ZZEF1: variants seen among roughly 807,000 people sequenced by gnomAD.
ZZEF1 encodes the protein zinc finger ZZ-type and EF-hand domain-containing protein 1.
In ZZEF1, 157 loss-of-function variants were observed where a neutral mutation model predicts 342.8. The observed-to-expected ratio is 0.46, with a 90% CI of 0.40 to 0.52. The LOEUF (loss-of-function observed/expected upper bound fraction) is 0.52, where lower values mean the gene tolerates loss of function less well. Among genes scored for constraint, ZZEF1 ranks in the 20% least tolerant of loss-of-function variants. The probability of loss-of-function intolerance (pLI) is 0.00; values close to 1 mark genes in which losing one functional copy is unlikely to be tolerated. For synonymous variants in ZZEF1, 1,505 were observed against 1,429.1 expected (o/e 1.05, Z -1.20); for missense variants, 3,480 against 3,725.6 (o/e 0.93, Z 1.72).
At position 4,009,684 on chromosome 17, in the gene ZZEF1, C is replaced by T. The variant is rs2055895107; in HGVS notation, c.8653G>A (p.Asp2885Asn). Residue 2885 changes from aspartate (D) to asparagine (N), a missense_variant, in exon 53 of 55, where the codon GAC becomes AAC. Physicochemically the swap from Asp to Asn is conservative, Grantham distance 23. This residue lies in a region of ZZEF1 where 1,269 missense variants were observed against 1,342.4 expected (regional missense o/e 0.95). Transcript: ENST00000381638. ...AGGAGGATGCCGGGCTGCGTCACGT[C>T]CTCAAACAGGCCGTACTCCATGTGG... is the stretch of plus-strand genomic sequence containing the variant. ...FTHMEYGLFE[D>N]VTQPGILLPL... is the part of the protein sequence containing the mutation. The T allele has an allele frequency of 6.2e-7, 1 of 1,614,104 alleles. No individual in the cohort carries two copies. Among genetic ancestry groups the T allele is most frequent in the Non-Finnish European group, 8.5e-7 (1 of 1,180,036 alleles).
intron 19 of ZZEF1, among the ~76,000 whole-genome samples, chr17:4,077,358 A>C (rs936395335): frequency 1.3e-5 from 2 of 152,156 alleles, no homozygotes; most frequent in Non-Finnish European, 2.9e-5. Context: ...AGGACCCAAT[A>C]TAAGTGTTTT....
intron 1 of ZZEF1, among the ~76,000 whole-genome samples, chr17:4,134,564 A>C (rs1275598737): frequency 6.6e-6 from 1 of 151,994 alleles, no homozygotes; most frequent in African/African-American, 2.4e-5. Context: ...ACAACAGCCA[A>C]TGTTAGTGAG....
chr17:4,120,717 G>A (rs1283996868), intron 2 of ZZEF1, among the ~76,000 whole-genome samples: 1 of 152,218 alleles, frequency 6.6e-6, no homozygotes. Flanking sequence ...AAGGTAGGTG[G>A]AATGCCCGAG....
intron 2 of ZZEF1, among the ~76,000 whole-genome samples, chr17:4,118,398 G>C (rs4790562): frequency 0.51 from 77,262 of 151,968 alleles, 22,042 homozygotes; most frequent in East Asian, 0.74. Context: ...AAAGATAGTA[G>C]GGCCTTGCTC....
At chr17:4,011,311 G>A (rs886705342) in intron 52 of ZZEF1, among the ~76,000 whole-genome samples, 2 of 152,120 alleles carry the variant, frequency 1.3e-5, no homozygotes, top group African/African-American at 4.8e-5. Flanking sequence ...GCTGAGGGGA[G>A]GGGGGTCACT....
rs111667484 is a variant in ZZEF1 at position 4,111,621 on chromosome 17, T to C, written c.1066+988A>G. The stretch of plus-strand genomic sequence containing the variant: ...TTGCAGTGAGCTGAGACTGCACCAC[T>C]GCACTCCAGCCCAGGCGACAATGCG... On this transcript the variant is annotated intron_variant, in intron 5 of 54. Coordinates refer to ENST00000381638, the MANE Select transcript of ZZEF1 (RefSeq NM_015113.4). Among the ~76,000 whole-genome samples, 255 of 140,510 alleles carry C rather than the reference T, an allele frequency of 1.8e-3. 5 individuals carry two copies. The highest frequency in any genetic ancestry group is 6.6e-3 in the African/African-American group (244 of 36,750). The allele number at this position is 140,510 out of a possible 152,430, so 92.2% of individuals were successfully genotyped here. A position where few individuals can be genotyped will look rare whatever the true frequency, so the allele number is the denominator to read the frequency against.
intron 39 of ZZEF1, among the ~76,000 whole-genome samples, chr17:4,038,808 A>AAAAC (rs148859871): frequency 0.04 from 6,063 of 151,252 alleles, 219 homozygotes; most frequent in African/African-American, 0.098. Flanking sequence ...TCTGTCTCAA[A>AAAAC]AAACAAACAA....
chr17:4,114,494 T>G, intron 3 of ZZEF1, 24 bp from the exon 4 acceptor site: 1 of 1,453,374 alleles, frequency 6.9e-7, no homozygotes, highest in Non-Finnish European at 9.1e-7. Context: ...CAGAGTTGAT[T>G]ATATGACATC....
At chr17:4,074,439 C>G (rs2057569559) in intron 23 of ZZEF1, 88 bp from the exon 24 acceptor site, 2 of 1,368,076 alleles carry the variant, frequency 1.5e-6, no homozygotes, top group Non-Finnish European at 1.0e-6. Context: ...AGAAACATCT[C>G]AGTTTAAAAT....
Position 4,006,551 on chromosome 17 carries a change from A to C in ZZEF1, c.*339T>G, listed in dbSNP as rs1597740362. 5 of 342,758 alleles carry C rather than the reference A, an allele frequency of 1.5e-5. 1 individual carries two copies. Among genetic ancestry groups the C allele is most frequent in the South Asian group, 1.0e-4 (4 of 38,406 alleles). The allele number at this position is 342,758 out of a possible 1,614,324, so 21.2% of individuals were successfully genotyped here. A position where few individuals can be genotyped will look rare whatever the true frequency, so the allele number is the denominator to read the frequency against. Reference sequence around the variant, plus strand: ...TTCCAGCTCCACGGAGACAGAAACCAGTTGAGAGAGGCCGCTTCCAAGTCT... The same window carrying C: ...TTCCAGCTCCACGGAGACAGAAACCCGTTGAGAGAGGCCGCTTCCAAGTCT... On this transcript the variant is annotated 3_prime_UTR_variant, in exon 55 of 55. Coordinates refer to ENST00000381638, the MANE Select transcript of ZZEF1 (RefSeq NM_015113.4).
intron 52 of ZZEF1, among the ~76,000 whole-genome samples, chr17:4,011,619 G>A (rs1305869564): frequency 6.6e-6 from 1 of 151,784 alleles, no homozygotes; most frequent in Non-Finnish European, 1.5e-5. Context: ...ATCCTTTGGA[G>A]AAGAAAAATT....
intron 16 of ZZEF1, among the ~76,000 whole-genome samples, chr17:4,082,962 G>C (rs2057752181): frequency 6.6e-6 from 1 of 152,106 alleles, no homozygotes; most frequent in Admixed American, 6.5e-5. Flanking sequence ...TTTTAGTAGA[G>C]ACGGGGTTTC....
chr17:4,110,512 C>T (rs1016191451), intron 5 of ZZEF1, among the ~76,000 whole-genome samples: 1 of 152,154 alleles, frequency 6.6e-6, no homozygotes, highest in Non-Finnish European at 1.5e-5. Context: ...GCAAAGAACA[C>T]TTCTTTTGGC....
chr17:4,110,976 G>A (rs747744297), intron 5 of ZZEF1, among the ~76,000 whole-genome samples: 6 of 152,204 alleles, frequency 3.9e-5, no homozygotes, highest in Non-Finnish European at 8.8e-5. Flanking sequence ...GCCTCCCAAA[G>A]TGCTGGGATT....
In ZZEF1 at chr17:4,050,940, G is replaced by C; in HGVS notation, c.5704C>G (p.Leu1902Val). ...CTATAGAGAGCCAGGGCAGCAAAGAGCAGCCAGGAGTAGTTATGGATATAT... is the reference window on the plus strand; with the variant it reads ...CTATAGAGAGCCAGGGCAGCAAAGACCAGCCAGGAGTAGTTATGGATATAT... ...QPYIHNYSWLLFAALALYSAH... is the reference protein window; with the variant it reads ...QPYIHNYSWLVFAALALYSAH... Residue 1902 changes from leucine to valine, a missense_variant, in exon 36 of 55, where the codon CTC (leucine) becomes GTC (valine). Transcript: ENST00000381638. 1 of 1,614,248 alleles carries C rather than the reference G, an allele frequency of 6.2e-7. No homozygotes were observed. Among genetic ancestry groups the C allele is most frequent in the Middle Eastern group, 1.6e-4 (1 of 6,062 alleles).
chr17:4,018,650 C>G (rs1053179916), intron 46 of ZZEF1, among the ~76,000 whole-genome samples: 1 of 152,122 alleles, frequency 6.6e-6, no homozygotes, highest in Non-Finnish European at 1.5e-5. Context: ...AACAGGTGGA[C>G]GACTCTGGCC....
rs756615914 is a variant in ZZEF1 at position 4,070,906 on chromosome 17, C to T, written c.3853G>A (p.Asp1285Asn). 3.2e-5 allele frequency: 51 copies of T among 1,613,580 alleles called. No individual in the cohort carries two copies. The Admixed American group carries it at 4.7e-4, about 15-fold the overall frequency. The part of the protein sequence containing the change: ...NSKEVKNIPD[D>N]PCRHFLLDFA... The stretch of plus-strand genomic sequence containing the variant: ...TCAAGAAGAAAATGGCGGCAGGGGT[C>T]GTCAGGAATGTTCTTAACCTGGAAA... Residue 1285 changes from aspartate (D) to asparagine (N), a missense_variant, in exon 26 of 55, where the codon GAC becomes AAC. Asp to Asn is a conservative substitution (Grantham distance 23, BLOSUM62 1). Coordinates refer to ENST00000381638, the MANE Select transcript of ZZEF1 (RefSeq NM_015113.4).
intron 6 of ZZEF1, among the ~76,000 whole-genome samples, chr17:4,109,410 A>C (rs1156817718): frequency 2.0e-5 from 3 of 152,218 alleles, no homozygotes; most frequent in Non-Finnish European, 4.4e-5. Flanking sequence ...CACTGTAGGA[A>C]CTGTGTGACG....
Position 4,022,753 on chromosome 17 carries a change from T to C in ZZEF1, c.7168A>G (p.Lys2390Glu). ...CACGTTTTACTAAAGCCAGTCCCTTTGCTGCACTTTTTCACCAGCAACTTC... is the reference window on the plus strand; with the variant it reads ...CACGTTTTACTAAAGCCAGTCCCTTCGCTGCACTTTTTCACCAGCAACTTC... ...LLKLLVKKCSKGTGFSKTWLL... is the reference protein window; with the variant it reads ...LLKLLVKKCSEGTGFSKTWLL... The change falls in exon 44 of 55, where the codon AAA becomes GAA. Residue 2390 changes from lysine to glutamate, a missense_variant. Physicochemically the swap from Lys to Glu is moderately conservative, Grantham distance 56. Around this residue, in one of 5 missense-constraint regions of ZZEF1, gnomAD observed 1,269 missense variants for 1,342.4 expected, o/e 0.95. Coordinates refer to ENST00000381638, the MANE Select transcript of ZZEF1 (RefSeq NM_015113.4). 6.2e-7 allele frequency: 1 copy of C among 1,613,960 alleles called. No homozygotes were observed. The highest frequency in any genetic ancestry group is 8.5e-7 in the Non-Finnish European group (1 of 1,180,008).
Sources: allele counts gnomAD v4.1 joint callset (sites outside exome capture counted in the v4.1 genomes callset), GRCh38; gene constraint gnomAD v4.1.1; regional missense constraint gnomAD v4.1.1; transcripts MANE v1.5; gene names NCBI Gene and HGNC (gene_info 2026-07-23, HGNC 2026-07-21).